Variants in NEMF observed in about 807,000 individuals in gnomAD.
NEMF encodes nuclear export mediator factor.
In NEMF, 89 loss-of-function variants were observed where a neutral mutation model predicts 162.2. The ratio of observed to expected loss-of-function variants is 0.55; its 90% CI spans 0.46 to 0.65. NEMF has a LOEUF of 0.65. Among genes scored for constraint, NEMF ranks in the 30% least tolerant of loss-of-function variants. NEMF has a pLI of 0.00. For synonymous variants in NEMF, 421 were observed against 404.5 expected (o/e 1.04, Z -0.49); for missense variants, 1,133 against 1,261.9 (o/e 0.90, Z 1.55).
chr14:49,785,311 A>ATTGT lies in NEMF; in HGVS notation c.2937_2938insACAA (p.Phe980ThrfsTer3). On this transcript the variant is annotated frameshift_variant, in exon 30 of 33. Coordinates refer to ENST00000298310, the MANE Select transcript of NEMF (RefSeq NM_004713.6). LOFTEE classifies it high-confidence loss of function. Reference sequence around the variant, plus strand: ...TGTGGCTGGCCTGTCAAAGAATCAAATAGGTTTTCCTAAAAAGGGAAAATA... The same window carrying ATTGT: ...TGTGGCTGGCCTGTCAAAGAATCAAATTGTTAGGTTTTCCTAAAAAGGGAAAATA... The ATTGT allele has an allele frequency of 1.2e-6, 2 of 1,613,538 alleles. No individual in the cohort carries two copies. The highest frequency in any genetic ancestry group is 1.7e-6 in the Non-Finnish European group (2 of 1,179,508).
chr14:49,845,811 C>G (rs954462097), intron 4 of NEMF, among the ~76,000 whole-genome samples: 1 of 152,206 alleles, frequency 6.6e-6, no homozygotes, highest in East Asian at 1.9e-4. Flanking sequence ...ACTATACATA[C>G]AGCGCATCAG....
At position 49,784,941 on chromosome 14, in the gene NEMF, A is replaced by T; in HGVS notation, c.3137T>A (p.Leu1046Ter). Residue 1046 changes from leucine to a stop codon, truncating the protein, a stop_gained, in exon 32 of 33, where the codon TTA (leucine) becomes TAA (stop). Coordinates refer to ENST00000298310, the MANE Select transcript of NEMF (RefSeq NM_004713.6). LOFTEE classifies it high-confidence loss of function. ...GAACTTTACCTTTACGCTGCGGAAT[A>T]AGTCTTTTTCTCTTGCTGTTGCTTC... The part of the protein sequence containing the change: ...SKEATAREKD[L>*]FRSVKDTDLS... The T allele has an allele frequency of 6.2e-7, 1 of 1,613,730 alleles. No individual in the cohort carries two copies. Among genetic ancestry groups the T allele is most frequent in the Non-Finnish European group, 8.5e-7 (1 of 1,179,742 alleles).
chr14:49,846,145 C>T lies in NEMF; in HGVS notation c.352G>A (p.Asp118Asn), dbSNP rs1363484165. The change falls in exon 4 of 33, where the codon GAT becomes AAT. Residue 118 changes from aspartate to asparagine, a missense_variant. Around this residue, in one of 3 missense-constraint regions of NEMF, gnomAD observed 582 missense variants for 631.5 expected, o/e 0.92. Transcript: ENST00000298310. ...ATCCCACAAATTTAACTTACCCTAT[C>T]ATAGAGCTCAATGATTAAATGGTAA... ...AAYHLIIELY[D>N]RGNIVLTDYE... 1.9e-6 allele frequency: 3 copies of T among 1,612,950 alleles called. No homozygotes were observed. The highest frequency in any genetic ancestry group is 2.2e-5 in the East Asian group (1 of 44,864).
rs895613354 is a variant in NEMF at position 49,825,088 on chromosome 14, T to C, written c.1577+779A>G. On this transcript the variant is annotated intron_variant, in intron 16 of 32. Coordinates refer to ENST00000298310, the MANE Select transcript of NEMF (RefSeq NM_004713.6). ...AAAAAGCAAATGAAATGACAATTAA[T>C]AACTCCAGGGAAGATTTTTAAAACT... Among the ~76,000 whole-genome samples the C allele has an allele frequency of 1.4e-4, 21 of 152,258 alleles. 1 individual carries two copies. Among genetic ancestry groups the C allele is most frequent in the Admixed American group, 1.4e-3 (21 of 15,296 alleles).
At position 49,789,351 on chromosome 14, in the gene NEMF, T is replaced by C; in HGVS notation, c.2698-8A>G. On this transcript the variant is annotated splice_polypyrimidine_tract_variant and splice_region_variant and intron_variant, in intron 27 of 32. Transcript: ENST00000298310. ...TTTGTTTGAACCTGCAGACTTTAAT[T>C]CATAGAGGAAACATCAGTCAGTGTT... The C allele has an allele frequency of 6.2e-7, 1 of 1,613,968 alleles. No individual in the cohort carries two copies. The highest frequency in any genetic ancestry group is 8.5e-7 in the Non-Finnish European group (1 of 1,179,904).
rs745979304 is a variant in NEMF, at chr14:49,851,711, G to A, written c.129-46C>T. ...ATTTTTCTTTAGGGTATATGCCAAAGCTAATTGCTAAACAGGCTTAAAATG... is the reference window on the plus strand; with the variant it reads ...ATTTTTCTTTAGGGTATATGCCAAAACTAATTGCTAAACAGGCTTAAAATG... On this transcript the variant is annotated intron_variant, in intron 2 of 32. Transcript: ENST00000298310. 5.3e-6 allele frequency: 8 copies of A among 1,516,936 alleles called. No homozygotes were observed. The East Asian group carries it at 6.8e-5, about 13-fold the overall frequency. 94.0% of individuals were successfully genotyped at this position (1,516,936 alleles called of 1,614,324 possible).
chr14:49,852,162 A>T (rs1251382514), intron 1 of NEMF, among the ~76,000 whole-genome samples: 1 of 76,352 alleles, frequency 1.3e-5, no homozygotes, highest in Admixed American at 1.8e-4. Context: ...CAATTAATTT[A>T]TTACAAGGGA....
At chr14:49,794,157 G>C (rs748695508) in intron 26 of NEMF, among the ~76,000 whole-genome samples, 4 of 151,916 alleles carry the variant, frequency 2.6e-5, no homozygotes, top group East Asian at 3.9e-4. Flanking sequence ...TTAATAACAT[G>C]CTGTTGTAAA....
intron 28 of NEMF, among the ~76,000 whole-genome samples, chr14:49,788,751 G>T (rs561121436): frequency 6.6e-6 from 1 of 151,962 alleles, no homozygotes; most frequent in African/African-American, 2.4e-5. Context: ...TAGAGACAGG[G>T]TTTCACCACG....
intron 1 of NEMF, among the ~76,000 whole-genome samples, chr14:49,852,085 C>T (rs1292406208): frequency 6.6e-6 from 1 of 152,012 alleles, no homozygotes; most frequent in Non-Finnish European, 1.5e-5. Flanking sequence ...GCTCTAGGAA[C>T]AACACACTAT....
rs757444188 is a variant in NEMF at position 49,825,905 on chromosome 14, C to A, written c.1539G>T (p.Gln513His). 1 of 1,611,268 alleles carries A rather than the reference C, an allele frequency of 6.2e-7. No individual in the cohort carries two copies. The highest frequency in any genetic ancestry group is 1.1e-5 in the South Asian group (1 of 90,802). Residue 513 changes from glutamine to histidine, a missense_variant, in exon 16 of 33, where the codon CAG (glutamine) becomes CAT (histidine). Physicochemically the swap from Gln to His is conservative, Grantham distance 24. Around this residue, in one of 3 missense-constraint regions of NEMF, gnomAD observed 582 missense variants for 631.5 expected, o/e 0.92. Coordinates refer to ENST00000298310, the MANE Select transcript of NEMF (RefSeq NM_004713.6). ...KKTKQTLKEV[Q>H]TVTSIQKARK... ...TTGCTTTTTGAATAGAGGTAACAGT[C>A]TGAACTTCTTTTAATGTTTGCTTTG...
intron 6 of NEMF, among the ~76,000 whole-genome samples, chr14:49,837,933 C>T (rs1892989399): frequency 6.6e-6 from 1 of 151,104 alleles, no homozygotes; most frequent in Non-Finnish European, 1.5e-5. Flanking sequence ...TACTAGATAA[C>T]ACAATCTGCA....
At chr14:49,791,107 G>T (rs1047823368) in intron 26 of NEMF, among the ~76,000 whole-genome samples, 1 of 147,398 alleles carries the variant, frequency 6.8e-6, no homozygotes, top group Non-Finnish European at 1.5e-5. Flanking sequence ...TGGCCGAGGC[G>T]GGTGGATCAC....
Position 49,825,847 on chromosome 14 carries a change from G to GA in NEMF, c.1577+19dup, listed in dbSNP as rs781596469. ...TTTAATAAAAACAAAAACTGTATTT[G>GA]AAAGAGACAGAACACTTACCAATAT... On this transcript the variant is annotated intron_variant, in intron 16 of 32. Coordinates refer to ENST00000298310, the MANE Select transcript of NEMF (RefSeq NM_004713.6). The GA allele has an allele frequency of 5.5e-6, 8 of 1,455,936 alleles. No homozygotes were observed. The South Asian group carries it at 8.5e-5, about 15-fold the overall frequency. 90.2% of individuals were successfully genotyped at this position (1,455,936 alleles called of 1,614,324 possible).
At chr14:49,838,582 TTGG>T (rs1421629605) in intron 5 of NEMF, among the ~76,000 whole-genome samples, 18 of 150,574 alleles carry the variant, frequency 1.2e-4, no homozygotes, top group African/African-American at 4.4e-4. Flanking sequence ...TTTTTTTTGT[TTGG>T]TTTTTTTTTT....
intron 8 of NEMF, among the ~76,000 whole-genome samples, chr14:49,832,666 T>C (rs565911922): frequency 1.4e-4 from 21 of 152,320 alleles, no homozygotes; most frequent in Admixed American, 3.9e-4. Flanking sequence ...AATTTGCACC[T>C]AATCCAAAGG....
At chr14:49,795,643 T>C (rs1450256268) in intron 26 of NEMF, 148 bp downstream of exon 26, 4 of 653,132 alleles carry the variant, frequency 6.1e-6, no homozygotes, top group Non-Finnish European at 1.0e-5. Flanking sequence ...GTTCCCTAAA[T>C]GCTGTATCTA....
intron 3 of NEMF, among the ~76,000 whole-genome samples, chr14:49,846,698 CA>C (rs1893520680): frequency 6.6e-6 from 1 of 152,222 alleles, no homozygotes; most frequent in African/African-American, 2.4e-5. Flanking sequence ...CTCCTGGGCA[CA>C]AGCAATCCTC....
chr14:49,800,969 T>C (rs1890925571), intron 22 of NEMF: 1 of 359,590 alleles, frequency 2.8e-6, no homozygotes, highest in East Asian at 4.8e-5. Context: ...TCTGCCTTAG[T>C]TGGGTATTTC....
Sources: allele counts gnomAD v4.1 joint callset (sites outside exome capture counted in the v4.1 genomes callset), GRCh38; gene constraint gnomAD v4.1.1; regional missense constraint gnomAD v4.1.1; transcripts MANE v1.5; gene names NCBI Gene and HGNC (gene_info 2026-07-23, HGNC 2026-07-21).